The following THUMPD2 variants were observed in gnomAD, a reference collection of about 807,000 sequenced individuals.
THUMPD2 encodes the protein THUMP domain 2 tRNA and snRNA guanosine methyltransferase.
Under a neutral mutation model 49.4 loss-of-function variants are expected in THUMPD2, and 56 were observed. That is an observed-to-expected ratio of 1.13 (90% CI 0.91 to 1.41). The LOEUF (loss-of-function observed/expected upper bound fraction) is 1.41. Ranked by LOEUF, THUMPD2 falls within the 40% of genes most tolerant of loss-of-function variation. The probability of loss-of-function intolerance (pLI) is 0.00; values close to 1 mark genes in which losing one functional copy is unlikely to be tolerated. For missense variants in THUMPD2, 709 were observed against 594.5 expected (o/e 1.19, Z -2.00); for synonymous variants, 237 against 205.2 (o/e 1.15, Z -1.32).
At chr2:39,774,839 C>G (rs763291076) in intron 1 of THUMPD2, among the ~76,000 whole-genome samples, 98 of 152,162 alleles carry the variant, frequency 6.4e-4, no homozygotes, top group Non-Finnish European at 2.4e-4. Context: ...AACCAAGTAT[C>G]TAAAAACAGC....
chr2:39,763,598 T>C (rs190263627), intron 5 of THUMPD2, among the ~76,000 whole-genome samples: 1 of 152,204 alleles, frequency 6.6e-6, no homozygotes, highest in South Asian at 2.1e-4. Context: ...CCTTAACTAT[T>C]TTTTGATTTC....
intron 1 of THUMPD2, among the ~76,000 whole-genome samples, chr2:39,776,200 T>G (rs1679069748): frequency 6.6e-6 from 1 of 152,196 alleles, no homozygotes; most frequent in Non-Finnish European, 1.5e-5. Flanking sequence ...GTGATATGTG[T>G]TTGTAGATAT....
intron 6 of THUMPD2, among the ~76,000 whole-genome samples, chr2:39,759,689 GAAA>G (rs982638187): frequency 4.6e-4 from 70 of 152,110 alleles, no homozygotes; most frequent in Admixed American, 1.1e-3. Flanking sequence ...TAAAGGAAAA[GAAA>G]AAATCCCACT....
rs576233327 is a variant in THUMPD2, at chr2:39,766,640, C to T, written c.751-531G>A. The stretch of plus-strand genomic sequence containing the variant: ...TAGGCCATGAAGAGTATTTAAGCGC[C>T]CCACATTATAATTAGTAGCCAACAT... On this transcript the variant is annotated intron_variant, in intron 4 of 9. Coordinates refer to ENST00000505747, the MANE Select transcript of THUMPD2 (RefSeq NM_025264.5). 2.6e-5 allele frequency among the ~76,000 whole-genome samples: 4 copies of T among 152,006 alleles called. No individual in the cohort carries two copies. In the South Asian group the frequency reaches 8.3e-4, roughly 32 times the overall value.
chr2:39,759,642 C>A (rs1036889705), intron 6 of THUMPD2, among the ~76,000 whole-genome samples: 3 of 152,008 alleles, frequency 2.0e-5, no homozygotes, highest in African/African-American at 7.2e-5. Flanking sequence ...AAGAGAAACA[C>A]CTTACAAGTT....
At position 39,755,873 on chromosome 2, in the gene THUMPD2, A is replaced by T; in HGVS notation, c.963+16T>A. The T allele has an allele frequency of 5.6e-6, 9 of 1,612,918 alleles. No homozygotes were observed. The highest frequency in any genetic ancestry group is 7.6e-6 in the Non-Finnish European group (9 of 1,179,116). ...AAGTAGATAAATTGCTTGCTTTACC[A>T]AACTTTAGAACTTACTGGCCATTCT... On this transcript the variant is annotated intron_variant, in intron 7 of 9. Coordinates refer to ENST00000505747, the MANE Select transcript of THUMPD2 (RefSeq NM_025264.5).
chr2:39,765,778 T>C (rs777601742), intron 5 of THUMPD2, among the ~76,000 whole-genome samples: 9 of 152,174 alleles, frequency 5.9e-5, no homozygotes, highest in Admixed American at 1.3e-4. Flanking sequence ...TATAGGGCTG[T>C]GAAAACCATT....
At chr2:39,750,537 T>G (rs1675261470) in intron 8 of THUMPD2, among the ~76,000 whole-genome samples, 1 of 152,156 alleles carries the variant, frequency 6.6e-6, no homozygotes, top group Non-Finnish European at 1.5e-5. Context: ...CGAAACCTTG[T>G]CTTTACTAAA....
chr2:39,768,338 A>G, intron 4 of THUMPD2, 86 bp downstream of exon 4: 1 of 1,162,912 alleles, frequency 8.6e-7, no homozygotes, highest in Non-Finnish European at 1.3e-6. Context: ...ACTGTAAAAT[A>G]AAACGGAAAA....
chr2:39,748,219 T>C (rs1317969204), intron 8 of THUMPD2, among the ~76,000 whole-genome samples: 1 of 152,154 alleles, frequency 6.6e-6, no homozygotes. Context: ...TTAGGCAACT[T>C]TTTTTTGGTA....
rs958836810 is a variant in THUMPD2, at chr2:39,758,950, C to A, written c.891+2381G>T. Among the ~76,000 whole-genome samples, 5 of 152,138 alleles carry A rather than the reference C, an allele frequency of 3.3e-5. No individual in the cohort carries two copies. The South Asian group carries it at 1.0e-3, about 32-fold the overall frequency. On this transcript the variant is annotated intron_variant, in intron 6 of 9. Transcript: ENST00000505747. ...AGATACTCAAATGTGACACACATAC[C>A]TTTTGAAGCTAAAAAGTCAGGATTT...
At chr2:39,775,324 T>A (rs576888162) in intron 1 of THUMPD2, among the ~76,000 whole-genome samples, 2 of 152,108 alleles carry the variant, frequency 1.3e-5, no homozygotes, top group East Asian at 3.9e-4. Flanking sequence ...CATCATGATA[T>A]AGGGAGGTAC....
intron 1 of THUMPD2, among the ~76,000 whole-genome samples, chr2:39,777,628 T>G (rs772327769): frequency 1.3e-5 from 2 of 152,224 alleles, no homozygotes; most frequent in Non-Finnish European, 2.9e-5. Flanking sequence ...GAGTTCACTT[T>G]GTATCAGAGC....
intron 6 of THUMPD2, chr2:39,757,299 A>G (rs1461210839): frequency 5.3e-6 from 5 of 944,708 alleles, no homozygotes; most frequent in Non-Finnish European, 7.6e-6. Flanking sequence ...GACATCCACC[A>G]CTTGATATGT....
chr2:39,768,795 G>C, intron 3 of THUMPD2: 1 of 863,926 alleles, frequency 1.2e-6, no homozygotes, highest in South Asian at 1.6e-5. Flanking sequence ...TGATAAATAT[G>C]ATCATTCTGG....
chr2:39,763,439 T>C (rs1413512392), intron 5 of THUMPD2, among the ~76,000 whole-genome samples: 2 of 152,154 alleles, frequency 1.3e-5, no homozygotes, highest in African/African-American at 2.4e-5. Context: ...TCTACACTTG[T>C]CACCTGAACT....
chr2:39,754,265 C>T lies in THUMPD2; in HGVS notation c.1078+1030G>A, dbSNP rs545759338. Among the ~76,000 whole-genome samples the T allele has an allele frequency of 1.2e-4, 18 of 152,310 alleles. No individual in the cohort carries two copies. The South Asian group carries it at 3.7e-3, about 32-fold the overall frequency. On this transcript the variant is annotated intron_variant, in intron 8 of 9. Coordinates refer to ENST00000505747, the MANE Select transcript of THUMPD2 (RefSeq NM_025264.5). ...TCTAGTCACCCCTTAGTTTGCTCTA[C>T]AAACTTGTGTCTCCTGCACAGAGTC...
At position 39,779,223 on chromosome 2, in the gene THUMPD2, C is replaced by T; in HGVS notation, c.17G>A (p.Gly6Glu). The change falls in exon 1 of 10, where the codon GGA becomes GAA. Residue 6 changes from glycine (G) to glutamate (E), a missense_variant. Coordinates refer to ENST00000505747, the MANE Select transcript of THUMPD2 (RefSeq NM_025264.5). ...AGCCTCAGGCCCGGACCCTGGCTCT[C>T]CACGCGCCTCCGACATGGCGGCTCA... is the stretch of plus-strand genomic sequence containing the variant. MSEAR[G>E]EPGSGPEAGA... The T allele has an allele frequency of 6.7e-7, 1 of 1,498,482 alleles. No homozygotes were observed. Among genetic ancestry groups the T allele is most frequent in the Non-Finnish European group, 8.8e-7 (1 of 1,130,204 alleles). The allele number at this position is 1,498,482 out of a possible 1,614,324, so 92.8% of individuals were successfully genotyped here.
intron 8 of THUMPD2, among the ~76,000 whole-genome samples, chr2:39,749,302 G>T (rs946783866): frequency 6.6e-6 from 1 of 152,130 alleles, no homozygotes; most frequent in Non-Finnish European, 1.5e-5. Flanking sequence ...TACTGGAATT[G>T]ACTTAACTGA....
Sources: allele counts gnomAD v4.1 joint callset (sites outside exome capture counted in the v4.1 genomes callset), GRCh38; gene constraint gnomAD v4.1.1; transcripts MANE v1.5; gene names NCBI Gene and HGNC (gene_info 2026-07-23, HGNC 2026-07-21).